The following CALCR variants were observed in gnomAD, a reference collection of about 807,000 sequenced individuals.
CALCR encodes the protein calcitonin receptor.
CALCR carries 47 observed loss-of-function variants against 59.5 expected under a neutral mutation model. That is an observed-to-expected ratio of 0.79 (90% CI 0.63 to 1.01). The LOEUF (loss-of-function observed/expected upper bound fraction) is 1.01, where lower values mean the gene tolerates loss of function less well. CALCR is among the 50% of genes least tolerant of loss of function. The probability of loss-of-function intolerance (pLI) is 0.00; values close to 1 mark genes in which losing one functional copy is unlikely to be tolerated. For missense variants in CALCR, 566 were observed against 597.1 expected (o/e 0.95, Z 0.54); for synonymous variants, 213 against 211.3 (o/e 1.01, Z -0.07).
intron 13 of CALCR, among the ~76,000 whole-genome samples, chr7:93,429,855 A>T (rs1400777005): frequency 3.5e-4 from 25 of 70,566 alleles, no homozygotes; most frequent in African/African-American, 1.1e-3. Flanking sequence ...ATCATGATTA[A>T]AAAAAAAAAA....
intron 5 of CALCR, among the ~76,000 whole-genome samples, chr7:93,473,630 G>A (rs1800604757): frequency 6.7e-6 from 1 of 148,456 alleles, no homozygotes. Flanking sequence ...TAGCAAAGAG[G>A]AGGAAAGCCT....
intron 3 of CALCR, among the ~76,000 whole-genome samples, chr7:93,485,305 A>G (rs1370312749): frequency 6.6e-6 from 1 of 151,706 alleles, no homozygotes; most frequent in Non-Finnish European, 1.5e-5. Flanking sequence ...GTTTCTGTCC[A>G]TGGCTCATGC....
chr7:93,459,636 C>A (rs531840209), intron 8 of CALCR, among the ~76,000 whole-genome samples: 3 of 152,244 alleles, frequency 2.0e-5, no homozygotes, highest in Non-Finnish European at 4.4e-5. Context: ...CCTACTGACT[C>A]TCTAGTACCA....
At chr7:93,467,099 T>G (rs1422497420) in intron 7 of CALCR, among the ~76,000 whole-genome samples, 2 of 151,820 alleles carry the variant, frequency 1.3e-5, no homozygotes, top group East Asian at 3.9e-4. Flanking sequence ...AGTGGCATAT[T>G]TTAAAATAAA....
At position 93,479,451 on chromosome 7, in the gene CALCR, G is replaced by C. The variant is rs144326254; in HGVS notation, c.108C>G (p.Pro36=). The change falls in exon 4 of 14, where the codon CCC becomes CCG. Residue 36 remains proline, a synonymous_variant. Transcript: ENST00000426151. The part of the protein sequence containing the change: ...FSNQTYPTIE[P]KPFLYVVGRK... ...GTCCTACGACGTAAAGAAATGGCTTGGGCTCTATTGTTGGATAGGTTTGAT... is the reference window on the plus strand; with the variant it reads ...GTCCTACGACGTAAAGAAATGGCTTCGGCTCTATTGTTGGATAGGTTTGAT... 2.9e-3 allele frequency: 4,742 copies of C among 1,612,526 alleles called. 17 individuals carry two copies. The highest frequency in any genetic ancestry group is 9.6e-3 in the Middle Eastern group (58 of 6,044).
chr7:93,556,961 A>G lies in CALCR; in HGVS notation c.-27+17328T>C, dbSNP rs576926108. Among the ~76,000 whole-genome samples the G allele has an allele frequency of 1.2e-3, 176 of 152,222 alleles. 1 individual carries two copies. The highest frequency in any genetic ancestry group is 7.5e-3 in the South Asian group (36 of 4,832). On this transcript the variant is annotated intron_variant, in intron 2 of 13. Transcript: ENST00000426151. The stretch of plus-strand genomic sequence containing the variant: ...AAAGCATATGGGATTTGTAATTTTC[A>G]CAAGTAATACTAAATTTTCTGCTTC...
intron 8 of CALCR, among the ~76,000 whole-genome samples, chr7:93,460,197 A>G (rs1027946202): frequency 6.6e-6 from 1 of 152,090 alleles, no homozygotes; most frequent in Non-Finnish European, 1.5e-5. Flanking sequence ...AGTATCATCT[A>G]TGTTCACAAG....
At chr7:93,440,655 A>G (rs1487584043) in intron 9 of CALCR, among the ~76,000 whole-genome samples, 4 of 152,076 alleles carry the variant, frequency 2.6e-5, no homozygotes, top group Non-Finnish European at 4.4e-5. Flanking sequence ...CCATCTACGG[A>G]AGTGCAAATC....
intron 2 of CALCR, among the ~76,000 whole-genome samples, chr7:93,499,451 A>G (rs1009747605): frequency 4.6e-5 from 7 of 151,828 alleles, no homozygotes; most frequent in Non-Finnish European, 8.8e-5. Context: ...TTCTAATTAC[A>G]TTTACCAATA....
intron 13 of CALCR, among the ~76,000 whole-genome samples, chr7:93,429,041 C>G (rs889877172): frequency 6.6e-6 from 1 of 152,158 alleles, no homozygotes; most frequent in African/African-American, 2.4e-5. Flanking sequence ...TGGGGCCAAA[C>G]GGTTTGATTT....
At chr7:93,490,033 C>T (rs1437140998) in intron 2 of CALCR, among the ~76,000 whole-genome samples, 1 of 151,884 alleles carries the variant, frequency 6.6e-6, no homozygotes, top group Non-Finnish European at 1.5e-5. Flanking sequence ...AAACTGAATC[C>T]AGGAGGACAT....
rs1420040745 is a variant in CALCR, at chr7:93,443,672, T to C, written c.734A>G (p.His245Arg). Residue 245 changes from histidine (H) to arginine (R), a missense_variant, in exon 9 of 14, where the codon CAT becomes CGT. Coordinates refer to ENST00000426151, the MANE Select transcript of CALCR (RefSeq NM_001742.4). ...AAACACAGCCACGACAATGAGTGTA[T>C]GAAGATAGATCCCTTCACAGAGCAT... The part of the protein sequence containing the change: ...FWMLCEGIYL[H>R]TLIVVAVFTE... 1 of 1,613,306 alleles carries C rather than the reference T, an allele frequency of 6.2e-7. No homozygotes were observed. The highest frequency in any genetic ancestry group is 8.5e-7 in the Non-Finnish European group (1 of 1,179,452).
At chr7:93,481,684 A>T (rs978052917) in intron 3 of CALCR, among the ~76,000 whole-genome samples, 4 of 151,856 alleles carry the variant, frequency 2.6e-5, no homozygotes, top group African/African-American at 9.7e-5. Context: ...TTATTATAAC[A>T]TTACTGTGAT....
intron 2 of CALCR, among the ~76,000 whole-genome samples, chr7:93,562,896 C>G: frequency 6.6e-6 from 1 of 151,966 alleles, no homozygotes; most frequent in East Asian, 1.9e-4. Flanking sequence ...AGGGAAAAAG[C>G]TTTGGACTAA....
chr7:93,476,595 G>A (rs1800671023), intron 5 of CALCR, among the ~76,000 whole-genome samples: 1 of 151,674 alleles, frequency 6.6e-6, no homozygotes, highest in African/African-American at 2.4e-5. Context: ...GTAAATCTCT[G>A]ATTTTTTTAT....
chr7:93,549,283 T>A (rs981370861), intron 2 of CALCR, among the ~76,000 whole-genome samples: 1 of 152,158 alleles, frequency 6.6e-6, no homozygotes, highest in African/African-American at 2.4e-5. Context: ...AGACCAATTT[T>A]TTTTTGTAAG....
intron 3 of CALCR, among the ~76,000 whole-genome samples, chr7:93,480,369 T>C (rs1800768461): frequency 6.6e-6 from 1 of 151,868 alleles, no homozygotes; most frequent in African/African-American, 2.4e-5. Flanking sequence ...ATCCATGTTC[T>C]GCATAGAGAT....
At chr7:93,456,998 G>T (rs1038350806) in intron 8 of CALCR, among the ~76,000 whole-genome samples, 3 of 152,142 alleles carry the variant, frequency 2.0e-5, no homozygotes, top group African/African-American at 7.2e-5. Context: ...TGATACAGGA[G>T]CTGCAGGGCA....
intron 2 of CALCR, among the ~76,000 whole-genome samples, chr7:93,567,188 A>G (rs975965775): frequency 5.3e-5 from 8 of 152,268 alleles, no homozygotes; most frequent in Non-Finnish European, 8.8e-5. Flanking sequence ...ATATGAATGA[A>G]TTATTGGTTT....
Sources: allele counts gnomAD v4.1 joint callset (sites outside exome capture counted in the v4.1 genomes callset), GRCh38; gene constraint gnomAD v4.1.1; transcripts MANE v1.5; gene names NCBI Gene and HGNC (gene_info 2026-07-23, HGNC 2026-07-21).